CDC37L1: variants seen among roughly 807,000 people sequenced by gnomAD.
CDC37L1 encodes hsp90 co-chaperone Cdc37-like 1.
Under a neutral mutation model 45.9 loss-of-function variants are expected in CDC37L1, and 32 were observed. The observed-to-expected ratio is 0.70, with a 90% CI of 0.53 to 0.94. The LOEUF (loss-of-function observed/expected upper bound fraction) is 0.94. CDC37L1 is among the 40% of genes least tolerant of loss of function. The probability of loss-of-function intolerance (pLI) is 0.00; values close to 1 mark genes in which losing one functional copy is unlikely to be tolerated. For synonymous variants in CDC37L1, 150 were observed against 133.0 expected (o/e 1.13, Z -0.88); for missense variants, 434 against 405.7 (o/e 1.07, Z -0.60).
At chr9:4,694,952 C>T (rs1841333520) in intron 3 of CDC37L1, among the ~76,000 whole-genome samples, 1 of 152,160 alleles carries the variant, frequency 6.6e-6, no homozygotes, top group Non-Finnish European at 1.5e-5. Context: ...TGTTATCCTT[C>T]CTGCAAAATA....
intron 6 of CDC37L1, chr9:4,703,049 A>T (rs1380781227): frequency 1.4e-5 from 22 of 1,531,076 alleles, no homozygotes; most frequent in Non-Finnish European, 1.9e-5. Flanking sequence ...TTTTACTAGT[A>T]GCACTTTAAT....
chr9:4,684,843 T>A, intron 1 of CDC37L1, 34 bp from the exon 2 acceptor site: 1 of 1,536,006 alleles, frequency 6.5e-7, no homozygotes. Context: ...ATCCATTGCT[T>A]TCTTCATTTC....
intron 5 of CDC37L1, among the ~76,000 whole-genome samples, chr9:4,699,911 T>TG (rs1841381760): frequency 6.6e-6 from 1 of 152,174 alleles, no homozygotes; most frequent in Non-Finnish European, 1.5e-5. Context: ...GTTATACTTG[T>TG]GTGGTGAAAT....
chr9:4,706,349 G>C lies in CDC37L1; in HGVS notation c.*237G>C, dbSNP rs1211102316. ...TGCAGGAAGTCAAACTGGACTTTTTGTGGCTACTAAATTTGCTTTTAATCT... is the reference window on the plus strand; with the variant it reads ...TGCAGGAAGTCAAACTGGACTTTTTCTGGCTACTAAATTTGCTTTTAATCT... On this transcript the variant is annotated 3_prime_UTR_variant, in exon 7 of 7. Transcript: ENST00000381854. 6.5e-6 allele frequency: 2 copies of C among 308,904 alleles called. No individual in the cohort carries two copies. Among genetic ancestry groups the C allele is most frequent in the Non-Finnish European group, 1.2e-5 (2 of 164,914 alleles). 19.1% of individuals were successfully genotyped at this position (308,904 alleles called of 1,614,324 possible).
intron 5 of CDC37L1, 39 bp downstream of exon 5, chr9:4,697,918 G>C: frequency 6.2e-7 from 1 of 1,603,680 alleles, no homozygotes; most frequent in Non-Finnish European, 8.5e-7. Flanking sequence ...GGAAGATTTG[G>C]TCCCAGCTGA....
intron 5 of CDC37L1, among the ~76,000 whole-genome samples, chr9:4,698,482 T>A (rs1227913378): frequency 6.6e-6 from 1 of 150,856 alleles, no homozygotes; most frequent in Non-Finnish European, 1.5e-5. Context: ...AATAGATGTC[T>A]AGAAAGATTA....
intron 1 of CDC37L1, among the ~76,000 whole-genome samples, chr9:4,680,177 T>C (rs1038157117): frequency 6.6e-5 from 10 of 152,200 alleles, no homozygotes; most frequent in Non-Finnish European, 1.3e-4. Context: ...CCTTCCTCCA[T>C]CTCCCCTTCC....
At chr9:4,692,975 C>T (rs1032227669) in intron 3 of CDC37L1, among the ~76,000 whole-genome samples, 7 of 151,952 alleles carry the variant, frequency 4.6e-5, no homozygotes, top group East Asian at 3.9e-4. Context: ...GATGGGTTTA[C>T]GTGCAGGCAT....
chr9:4,693,990 T>C (rs1019594708), intron 3 of CDC37L1, among the ~76,000 whole-genome samples: 1 of 152,252 alleles, frequency 6.6e-6, no homozygotes, highest in Non-Finnish European at 1.5e-5. Flanking sequence ...CTTAAATTGT[T>C]ACTCTCCATT....
Position 4,685,105 on chromosome 9 carries a change from G to A in CDC37L1, c.361G>A (p.Glu121Lys). 1 of 1,613,914 alleles carries A rather than the reference G, an allele frequency of 6.2e-7. No individual in the cohort carries two copies. Among genetic ancestry groups the A allele is most frequent in the Non-Finnish European group, 8.5e-7 (1 of 1,179,782 alleles). The change falls in exon 2 of 7, where the codon GAG becomes AAG. Residue 121 changes from glutamate (E) to lysine (K), a missense_variant. Transcript: ENST00000381854. ...RQKEEALVQR[E>K]KMCLWSTDAI... The stretch of plus-strand genomic sequence containing the variant: ...GAAAGAAGAAGCTCTAGTACAAAGA[G>A]AGAAGATGTGTCTGTGGAGCACGGA...
At chr9:4,692,078 G>A (rs531342962) in intron 3 of CDC37L1, among the ~76,000 whole-genome samples, 3 of 152,152 alleles carry the variant, frequency 2.0e-5, no homozygotes, top group South Asian at 2.1e-4. Flanking sequence ...ATTTTACCAA[G>A]AGCTATAAAA....
intron 2 of CDC37L1, among the ~76,000 whole-genome samples, chr9:4,685,891 A>G (rs1485161558): frequency 6.6e-6 from 1 of 152,212 alleles, no homozygotes; most frequent in East Asian, 1.9e-4. Flanking sequence ...GGCCAGGCTT[A>G]GTTGTCCACA....
chr9:4,699,332 G>A lies in CDC37L1; in HGVS notation c.747+1453G>A, dbSNP rs1841377218. On this transcript the variant is annotated intron_variant, in intron 5 of 6. Transcript: ENST00000381854. ...TCACAGATTTTGTGTTTTCAATTTA[G>A]AGATCTTCACTGGTAAGTATAATGC... is the stretch of plus-strand genomic sequence containing the variant. 3.9e-5 allele frequency among the ~76,000 whole-genome samples: 6 copies of A among 152,150 alleles called. No homozygotes were observed. The South Asian group carries it at 1.2e-3, about 32-fold the overall frequency.
At chr9:4,690,412 A>G (rs780681585) in intron 3 of CDC37L1, among the ~76,000 whole-genome samples, 8 of 152,114 alleles carry the variant, frequency 5.3e-5, no homozygotes, top group South Asian at 2.1e-4. Context: ...ATTGTGCCGT[A>G]TTGAGATTTT....
intron 2 of CDC37L1, among the ~76,000 whole-genome samples, chr9:4,687,428 C>T (rs1264483428): frequency 1.3e-5 from 2 of 152,070 alleles, no homozygotes; most frequent in African/African-American, 2.4e-5. Flanking sequence ...CCTATAATCC[C>T]AGCACGTTGG....
intron 6 of CDC37L1, chr9:4,703,146 A>C: frequency 1.3e-6 from 2 of 1,508,162 alleles, no homozygotes; most frequent in Non-Finnish European, 8.9e-7. Context: ...TGTGAGAAGG[A>C]AAGTCTTATT....
At chr9:4,702,101 T>A in intron 6 of CDC37L1, 73 bp downstream of exon 6, 2 of 254,884 alleles carry the variant, frequency 7.8e-6, no homozygotes, top group Non-Finnish European at 1.3e-5. Flanking sequence ...TGCCCCACTC[T>A]TTTTTTTTTT....
At chr9:4,701,203 T>G (rs950676662) in intron 5 of CDC37L1, among the ~76,000 whole-genome samples, 2 of 152,162 alleles carry the variant, frequency 1.3e-5, no homozygotes, top group Non-Finnish European at 2.9e-5. Context: ...TTCTCTATAT[T>G]CAGAGGAAAC....
At chr9:4,680,429 C>T (rs10974728) in intron 1 of CDC37L1, among the ~76,000 whole-genome samples, 74,471 of 152,006 alleles carry the variant, frequency 0.49, 21,028 homozygotes, top group African/African-American at 0.77. Flanking sequence ...CGCTGGCGTA[C>T]ACCTCTCCCA....
Sources: gnomAD v4.1 joint callset for allele counts (sites outside exome capture counted in the v4.1 genomes callset) on GRCh38, gnomAD v4.1.1 for gene constraint, MANE v1.5 for transcripts, NCBI Gene and HGNC (gene_info 2026-07-23, HGNC 2026-07-21) for gene names.